PRKN: variants seen among roughly 807,000 people sequenced by gnomAD.
The protein encoded by PRKN is parkin RBR E3 ubiquitin protein ligase.
Under a neutral mutation model 59.5 loss-of-function variants are expected in PRKN, and 56 were observed. The observed-to-expected ratio is 0.94, with a 90% CI of 0.76 to 1.18. The LOEUF (loss-of-function observed/expected upper bound fraction) is 1.18. Ranked by LOEUF, PRKN falls within the 50% of genes most tolerant of loss-of-function variation. The pLI, the probability that PRKN is intolerant of heterozygous loss-of-function variation, is 0.00. For missense variants in PRKN, 657 were observed against 596.4 expected (o/e 1.10, Z -1.06); for synonymous variants, 250 against 222.1 (o/e 1.13, Z -1.12).
At chr6:162,028,009 T>C (rs186330250) in intron 5 of PRKN, among the ~76,000 whole-genome samples, 58 of 151,890 alleles carry the variant, frequency 3.8e-4, no homozygotes, top group African/African-American at 1.1e-3. Context: ...ATAAGAAATA[T>C]ACTCCGAATA....
intron 4 of PRKN, among the ~76,000 whole-genome samples, chr6:162,104,543 A>G (rs1441854599): frequency 6.6e-6 from 1 of 152,188 alleles, no homozygotes; most frequent in Non-Finnish European, 1.5e-5. Flanking sequence ...AGAAGAAATC[A>G]AAGAACCGGT....
intron 1 of PRKN, among the ~76,000 whole-genome samples, chr6:162,709,375 CTTTTTTT>C (rs34492695): frequency 9.5e-5 from 14 of 147,854 alleles, no homozygotes; most frequent in Admixed American, 2.7e-4. Context: ...GGTCTGAACA[CTTTTTTT>C]TTTTTTTTTA....
chr6:162,123,106 T>C (rs937283969), intron 4 of PRKN, among the ~76,000 whole-genome samples: 5 of 151,966 alleles, frequency 3.3e-5, no homozygotes, highest in African/African-American at 1.2e-4. Context: ...TTGCCTGGGA[T>C]GCTGGTCACA....
intron 2 of PRKN, among the ~76,000 whole-genome samples, chr6:162,302,346 A>G (rs1782000173): frequency 1.3e-5 from 2 of 151,862 alleles, no homozygotes; most frequent in African/African-American, 2.4e-5. Flanking sequence ...AGACATAGGT[A>G]GCTTTAAGAA....
chr6:161,537,735 G>A (rs1043198343), intron 9 of PRKN, among the ~76,000 whole-genome samples: 1 of 152,210 alleles, frequency 6.6e-6, no homozygotes, highest in African/African-American at 2.4e-5. Context: ...ACAGGCGTGA[G>A]CCACTGCGCC....
At chr6:161,553,496 T>A (rs1013299884) in intron 8 of PRKN, among the ~76,000 whole-genome samples, 10 of 152,178 alleles carry the variant, frequency 6.6e-5, no homozygotes, top group African/African-American at 2.2e-4. Flanking sequence ...TCATAGATGG[T>A]GTTTTGTACT....
chr6:162,300,218 C>A (rs531162425), intron 2 of PRKN, among the ~76,000 whole-genome samples: 4 of 151,708 alleles, frequency 2.6e-5, no homozygotes, highest in Non-Finnish European at 4.4e-5. Flanking sequence ...TGTGTTTTGT[C>A]GGCCTTTAAA....
In PRKN at chr6:161,503,266, T is replaced by A. The variant is rs1433631739; in HGVS notation, c.1083+45588A>T. ...CTGCTGCTGTACCGTAGAGTCTTGATGAATTTATGGCTGTCATTCTGAAGA... is the reference window on the plus strand; with the variant it reads ...CTGCTGCTGTACCGTAGAGTCTTGAAGAATTTATGGCTGTCATTCTGAAGA... On this transcript the variant is annotated intron_variant, in intron 9 of 11. Coordinates refer to ENST00000366898, the MANE Select transcript of PRKN (RefSeq NM_004562.3). The surrounding 1 kb of genome is among the most constrained non-coding windows in gnomAD (Gnocchi z 5.1). Among the ~76,000 whole-genome samples the A allele has an allele frequency of 1.3e-5, 2 of 152,104 alleles. No individual in the cohort carries two copies. The highest frequency in any genetic ancestry group is 2.9e-5 in the Non-Finnish European group (2 of 68,004).
chr6:162,611,907 G>C (rs186071976), intron 1 of PRKN, among the ~76,000 whole-genome samples: 7 of 152,040 alleles, frequency 4.6e-5, no homozygotes, highest in East Asian at 3.9e-4. Context: ...ATGATACAGC[G>C]GGGCGTGGTG....
intron 7 of PRKN, among the ~76,000 whole-genome samples, chr6:161,769,614 A>G (rs923421770): frequency 1.3e-5 from 2 of 152,352 alleles, no homozygotes; most frequent in Admixed American, 6.5e-5. Context: ...GAAGGTATAT[A>G]TAGCCAAATG....
chr6:162,506,643 C>G (rs1274884417), intron 1 of PRKN, among the ~76,000 whole-genome samples: 1 of 152,040 alleles, frequency 6.6e-6, no homozygotes, highest in Non-Finnish European at 1.5e-5. Flanking sequence ...GAATCATGAT[C>G]CCGGGTGAAA....
chr6:162,049,221 T>C (rs982850215), intron 5 of PRKN, among the ~76,000 whole-genome samples: 1 of 151,754 alleles, frequency 6.6e-6, no homozygotes, highest in East Asian at 1.9e-4. Flanking sequence ...ACTGCTATTT[T>C]AAGTTCTAAG....
At chr6:162,032,726 A>G (rs1171813171) in intron 5 of PRKN, among the ~76,000 whole-genome samples, 1 of 152,214 alleles carries the variant, frequency 6.6e-6, no homozygotes, top group Non-Finnish European at 1.5e-5. Flanking sequence ...CAGAGAAAGC[A>G]TGGCTAGAAG....
rs764976923 is a variant in PRKN at position 161,376,150 on chromosome 6, C to T, written c.1167+10644G>A. ...GGAGCCACTGCTGCTTCAGTGTCCT[C>T]CACTGAGGGAGGTGCACCTCCTAGC... On this transcript the variant is annotated intron_variant, in intron 10 of 11. Transcript: ENST00000366898. The surrounding 1 kb of genome is among the most constrained non-coding windows in gnomAD (Gnocchi z 7.3). Among the ~76,000 whole-genome samples the T allele has an allele frequency of 6.0e-4, 91 of 152,170 alleles. No individual in the cohort carries two copies. The highest frequency in any genetic ancestry group is 9.7e-4 in the Non-Finnish European group (66 of 68,032).
At chr6:161,426,249 T>C (rs9458246) in intron 9 of PRKN, among the ~76,000 whole-genome samples, 15,604 of 152,204 alleles carry the variant, frequency 0.1, 919 homozygotes, top group Middle Eastern at 0.22. Context: ...TTCTATGCTA[T>C]TGTGATGGTT....
intron 2 of PRKN, chr6:162,275,080 C>CAAAA (rs57886647): frequency 6.6e-5 from 5 of 76,196 alleles, no homozygotes; most frequent in East Asian, 4.0e-4. Flanking sequence ...GACTCTGTCT[C>CAAAA]AAAAAAAAAA....
intron 9 of PRKN, among the ~76,000 whole-genome samples, chr6:161,438,805 G>T (rs899840117): frequency 6.6e-6 from 1 of 152,108 alleles, no homozygotes; most frequent in South Asian, 2.1e-4. Flanking sequence ...TTGTAAATTG[G>T]CTTAGGAAAA....
intron 1 of PRKN, among the ~76,000 whole-genome samples, chr6:162,681,688 T>A (rs1265987571): frequency 6.6e-6 from 1 of 152,098 alleles, no homozygotes; most frequent in Non-Finnish European, 1.5e-5. Context: ...CATAAAGCAA[T>A]CAATCAGATG....
chr6:162,183,390 A>T (rs924065251), intron 4 of PRKN, among the ~76,000 whole-genome samples: 1 of 152,158 alleles, frequency 6.6e-6, no homozygotes, highest in African/African-American at 2.4e-5. Flanking sequence ...CCCTGCCATC[A>T]TCATCTTCTG....
Sources: gnomAD v4.1 joint callset for allele counts (sites outside exome capture counted in the v4.1 genomes callset) on GRCh38, gnomAD v4.1.1 for gene constraint, Gnocchi (gnomAD v3.1) non-coding constraint, MANE v1.5 for transcripts, NCBI Gene and HGNC (gene_info 2026-07-23, HGNC 2026-07-21) for gene names.